Variants in STK33 observed in about 807,000 individuals in gnomAD.
STK33 encodes serine/threonine kinase 33, also known as serine/threonine-protein kinase 33.
In STK33, 52 loss-of-function variants were observed where a neutral mutation model predicts 58.0. The ratio of observed to expected loss-of-function variants is 0.90; its 90% CI spans 0.72 to 1.13. STK33 has a LOEUF of 1.13. Ranked by LOEUF, STK33 falls within the 50% of genes most tolerant of loss-of-function variation. STK33 has a pLI of 0.00. For synonymous variants in STK33, 215 were observed against 200.1 expected (o/e 1.07, Z -0.63); for missense variants, 630 against 604.2 (o/e 1.04, Z -0.45).
the STK33 span, among the ~76,000 whole-genome samples, chr11:8,362,099 G>A: frequency 6.6e-6 from 1 of 152,192 alleles, no homozygotes; most frequent in Non-Finnish European, 1.5e-5. Flanking sequence ...TCCAAACTCT[G>A]GCTCTGACTG....
At chr11:8,483,539 C>G (rs1280427124) in intron 1 of STK33, among the ~76,000 whole-genome samples, 1 of 152,078 alleles carries the variant, frequency 6.6e-6, no homozygotes, top group Non-Finnish European at 1.5e-5. Flanking sequence ...CCAAAACTGA[C>G]CCTAATCAGA....
chr11:8,483,973 G>A (rs1233113212), intron 1 of STK33, among the ~76,000 whole-genome samples: 1 of 152,122 alleles, frequency 6.6e-6, no homozygotes, highest in African/African-American at 2.4e-5. Context: ...GAACATGAAT[G>A]TTCTACCATT....
chr11:8,352,820 T>C, the STK33 span, among the ~76,000 whole-genome samples: 1 of 152,132 alleles, frequency 6.6e-6, no homozygotes, highest in Non-Finnish European at 1.5e-5. Context: ...CCATTCTAGG[T>C]TAAGAGTGAG....
chr11:8,345,864 C>T, the STK33 span, among the ~76,000 whole-genome samples: 12 of 152,142 alleles, frequency 7.9e-5, no homozygotes, highest in Non-Finnish European at 1.2e-4. Flanking sequence ...AAAGCAGCAG[C>T]GTGGATGGGG....
intron 14 of STK33, among the ~76,000 whole-genome samples, chr11:8,427,966 G>C (rs1942969032): frequency 6.6e-6 from 1 of 152,308 alleles, no homozygotes; most frequent in East Asian, 1.9e-4. Flanking sequence ...CAGAAGACAA[G>C]GCATGGATCT....
chr11:8,569,654 C>T (rs1433072330), intron 1 of STK33, among the ~76,000 whole-genome samples: 1 of 152,046 alleles, frequency 6.6e-6, no homozygotes, highest in Non-Finnish European at 1.5e-5. Context: ...TCAAAAGACA[C>T]CATTAAGAAA....
chr11:8,403,300 A>T (rs1938459267), intron 15 of STK33, among the ~76,000 whole-genome samples: 1 of 152,220 alleles, frequency 6.6e-6, no homozygotes, highest in Non-Finnish European at 1.5e-5. Flanking sequence ...TAAAATCATG[A>T]TGAATTCGTA....
the STK33 span, among the ~76,000 whole-genome samples, chr11:8,380,845 C>T: frequency 6.6e-6 from 1 of 152,182 alleles, no homozygotes; most frequent in Non-Finnish European, 1.5e-5. Context: ...AAGTGCCCAT[C>T]AACCAATGAG....
chr11:8,507,354 C>A lies in STK33; in HGVS notation c.-465-26740G>T, dbSNP rs187146559. ...TCTATTTGTGTTTTAGTTTACTCAT[C>A]AGTAAATTGGAGATAACAGAGCACC... On this transcript the variant is annotated intron_variant, in intron 1 of 15. Transcript: ENST00000687296. Among the ~76,000 whole-genome samples the A allele has an allele frequency of 7.2e-5, 11 of 152,286 alleles. No homozygotes were observed. The East Asian group carries it at 1.4e-3, about 19-fold the overall frequency.
intron 1 of STK33, among the ~76,000 whole-genome samples, chr11:8,535,335 A>G (rs1954911550): frequency 6.6e-6 from 1 of 152,190 alleles, no homozygotes; most frequent in Admixed American, 6.6e-5. Context: ...TCCCCATACT[A>G]TTCATTCAAC....
chr11:8,516,252 T>C (rs1185379123), intron 1 of STK33, among the ~76,000 whole-genome samples: 1 of 152,134 alleles, frequency 6.6e-6, no homozygotes, highest in Non-Finnish European at 1.5e-5. Flanking sequence ...AATAAACCCA[T>C]GCATATATAG....
intron 14 of STK33, among the ~76,000 whole-genome samples, chr11:8,423,172 A>C (rs1294851193): frequency 2.0e-5 from 3 of 149,696 alleles, no homozygotes. Flanking sequence ...ATTTCACCAA[A>C]GATTTATTTA....
chr11:8,494,929 T>C (rs181391114), intron 1 of STK33, among the ~76,000 whole-genome samples: 2 of 152,270 alleles, frequency 1.3e-5, no homozygotes, highest in East Asian at 3.9e-4. Flanking sequence ...CCTTACACCT[T>C]ACACAAAAAT....
chr11:8,461,813 T>C lies in STK33; in HGVS notation c.550A>G (p.Thr184Ala). The change falls in exon 8 of 16, where the codon ACG becomes GCG. Residue 184 changes from threonine (T) to alanine (A), a missense_variant. By Grantham distance (58) the Thr-to-Ala change is moderately conservative (BLOSUM62 0). Coordinates refer to ENST00000687296, the MANE Select transcript of STK33 (RefSeq NM_001352389.2). ...GCCTAATAGAGGTTTACCTTTGGCG[T>C]TTCAAATACTTGTTCCAGATGTATG... ...HIIHLEQVFE[T>A]PKKMYLVMEL... is the part of the protein sequence containing the mutation. 2 of 1,585,198 alleles carry C rather than the reference T, an allele frequency of 1.3e-6. No individual in the cohort carries two copies. Among genetic ancestry groups the C allele is most frequent in the African/African-American group, 2.7e-5 (2 of 73,226 alleles).
chr11:8,482,654 T>C (rs1200343964), intron 1 of STK33, among the ~76,000 whole-genome samples: 1 of 152,170 alleles, frequency 6.6e-6, no homozygotes, highest in Non-Finnish European at 1.5e-5. Context: ...TCCTATCCCT[T>C]ATTAGCTCAG....
intron 1 of STK33, among the ~76,000 whole-genome samples, chr11:8,580,200 G>A (rs1289703620): frequency 1.3e-5 from 2 of 152,138 alleles, no homozygotes; most frequent in African/African-American, 4.8e-5. Flanking sequence ...CAATAGCCAA[G>A]ATTTGGGGGC....
At chr11:8,409,403 C>T (rs1939823003) in intron 15 of STK33, among the ~76,000 whole-genome samples, 1 of 152,204 alleles carries the variant, frequency 6.6e-6, no homozygotes. Flanking sequence ...GCTTTCATTA[C>T]ACCCTTTTAA....
chr11:8,351,653 C>T, the STK33 span, among the ~76,000 whole-genome samples: 13 of 152,378 alleles, frequency 8.5e-5, no homozygotes, highest in African/African-American at 2.6e-4. Flanking sequence ...CAGGCCTTCT[C>T]GGGGCAGGCC....
intron 15 of STK33, among the ~76,000 whole-genome samples, chr11:8,393,048 C>T (rs1848791544): frequency 6.6e-6 from 1 of 152,204 alleles, no homozygotes. Flanking sequence ...GATTTCTACA[C>T]AAGCTCTGAC....
Sources: gnomAD v4.1 joint callset for allele counts (sites outside exome capture counted in the v4.1 genomes callset) on GRCh38, gnomAD v4.1.1 for gene constraint, MANE v1.5 for transcripts, NCBI Gene and HGNC (gene_info 2026-07-23, HGNC 2026-07-21) for gene names.